Variants in EP400 observed in about 807,000 individuals in gnomAD.
EP400 encodes E1A binding protein p400, also known as E1A-binding protein p400.
In EP400, 105 loss-of-function variants were observed where a neutral mutation model predicts 354.1. That is an observed-to-expected ratio of 0.30 (90% CI 0.25 to 0.35). The LOEUF (loss-of-function observed/expected upper bound fraction) is 0.35. EP400 is among the 10% of genes least tolerant of loss of function. The probability of loss-of-function intolerance (pLI) is 1.00; values close to 1 mark genes in which losing one functional copy is unlikely to be tolerated. For synonymous variants in EP400, 1,646 were observed against 1,716.9 expected, an observed-to-expected ratio of 0.96 and a Z score of 1.02; for missense variants, 3,280 against 4,121.0, an observed-to-expected ratio of 0.80 and a Z score of 5.59.
rs1005010703 is a variant in EP400, at chr12:132,054,350, C to G, written c.7729-624C>G. 1.3e-5 allele frequency among the ~76,000 whole-genome samples: 2 copies of G among 152,174 alleles called. No individual in the cohort carries two copies. Among genetic ancestry groups the G allele is most frequent in the African/African-American group, 4.8e-5 (2 of 41,436 alleles). On this transcript the variant is annotated intron_variant, in intron 43 of 52. Transcript: ENST00000389561. The surrounding 1 kb of genome is among the most constrained non-coding windows in gnomAD (Gnocchi z 4.0). ...TATATGTACTCAGGCAACTTCATTC[C>G]TCATTTATTCAAAAGGGATCTTTGT... is the stretch of plus-strand genomic sequence containing the variant.
intron 7 of EP400, among the ~76,000 whole-genome samples, chr12:131,988,332 A>G (rs951760788): frequency 8.5e-5 from 13 of 152,152 alleles, no homozygotes; most frequent in African/African-American, 2.9e-4. Flanking sequence ...CCACTAAGCA[A>G]TGATGTGGAT....
intron 41 of EP400, 83 bp from the exon 42 acceptor site, chr12:132,053,063 C>A: frequency 6.9e-7 from 1 of 1,447,356 alleles, no homozygotes; most frequent in Non-Finnish European, 9.7e-7. Flanking sequence ...CAGCACCTGG[C>A]AGCATGGTGT....
intron 37 of EP400, 101 bp downstream of exon 37, chr12:132,045,054 G>T: frequency 7.1e-7 from 1 of 1,412,378 alleles, no homozygotes; most frequent in Non-Finnish European, 9.6e-7. Context: ...CTGTCTGCCT[G>T]TCTGCTGCAG....
At position 132,078,840 on chromosome 12, in the gene EP400, C is replaced by A. The variant is rs1446125461; in HGVS notation, c.*1167C>A. The A allele has an allele frequency of 6.6e-6, 1 of 152,224 alleles. No homozygotes were observed. Among genetic ancestry groups the A allele is most frequent in the Non-Finnish European group, 1.5e-5 (1 of 68,044 alleles). The allele number at this position is 152,224 out of a possible 1,614,324, so 9.4% of individuals were successfully genotyped here. A position where few individuals can be genotyped will look rare whatever the true frequency, so the allele number is the denominator to read the frequency against. Reference sequence around the variant, plus strand: ...GAAGGCGTGCCGTTGAGGGGGAAAACGAAGCCCAGTATTTGCTACTGTTTT... The same window carrying A: ...GAAGGCGTGCCGTTGAGGGGGAAAAAGAAGCCCAGTATTTGCTACTGTTTT... On this transcript the variant is annotated 3_prime_UTR_variant, in exon 53 of 53. Coordinates refer to ENST00000389561, the MANE Select transcript of EP400 (RefSeq NM_015409.5).
chr12:131,995,080 C>G, intron 12 of EP400, 124 bp downstream of exon 12: 1 of 879,736 alleles, frequency 1.1e-6, no homozygotes, highest in Non-Finnish European at 1.8e-6. Flanking sequence ...AAAACAGTCC[C>G]TGTGTGCCTC....
At chr12:131,982,778 T>G (rs907508861) in intron 5 of EP400, among the ~76,000 whole-genome samples, 2 of 152,090 alleles carry the variant, frequency 1.3e-5, no homozygotes, top group African/African-American at 4.8e-5. Context: ...GAGACCAACC[T>G]GGCCAACATG....
rs1292063244 is a variant in EP400 at position 132,044,258 on chromosome 12, G to A, written c.6532G>A (p.Glu2178Lys). ...LQEREARLRL[E>K]QEEAELLTYT... ...GGAGAGGGAGGCCCGGCTGCGGCTG[G>A]AGCAGGAGGAGGCGGAGCTCCTGAC... The change falls in exon 35 of 53, where the codon GAG becomes AAG. Residue 2178 changes from glutamate to lysine, a missense_variant. By Grantham distance (56) the Glu-to-Lys change is moderately conservative. Transcript: ENST00000389561. The A allele has an allele frequency of 6.2e-7, 1 of 1,614,114 alleles. No homozygotes were observed. Among genetic ancestry groups the A allele is most frequent in the South Asian group, 1.1e-5 (1 of 91,092 alleles).
At chr12:132,076,917 C>T (rs976810003) in intron 52 of EP400, among the ~76,000 whole-genome samples, 2 of 152,232 alleles carry the variant, frequency 1.3e-5, no homozygotes, top group South Asian at 2.1e-4. Context: ...AGGCTCCGCT[C>T]GGGGCCCGCC....
chr12:131,971,205 T>TA (rs951437451), intron 2 of EP400, among the ~76,000 whole-genome samples: 39 of 149,528 alleles, frequency 2.6e-4, no homozygotes, highest in East Asian at 2.0e-3. Flanking sequence ...CCCTGTCTCT[T>TA]AAAAAAAAAA....
chr12:132,061,605 C>T (rs1895697010), intron 45 of EP400, among the ~76,000 whole-genome samples: 2 of 152,118 alleles, frequency 1.3e-5, no homozygotes, highest in South Asian at 4.1e-4. Context: ...TGCCTGCGGG[C>T]CAGAGTGGAC....
At chr12:131,976,130 TTTC>T (rs766471061) in intron 2 of EP400, among the ~76,000 whole-genome samples, 1 of 152,212 alleles carries the variant, frequency 6.6e-6, no homozygotes, top group African/African-American at 2.4e-5. Context: ...TTTGTCAAGA[TTTC>T]TTCTTGTCTT....
chr12:132,011,051 C>G (rs1893748009), intron 15 of EP400, among the ~76,000 whole-genome samples: 1 of 152,210 alleles, frequency 6.6e-6, no homozygotes, highest in South Asian at 2.1e-4. Flanking sequence ...TGGACACAAG[C>G]CCTTGGCTAA....
chr12:132,007,828 G>A (rs1274743522), intron 15 of EP400, among the ~76,000 whole-genome samples: 1 of 152,188 alleles, frequency 6.6e-6, no homozygotes, highest in African/African-American at 2.4e-5. Context: ...TGACCCCATG[G>A]GTGCTCTGAC....
rs961869063 is a variant in EP400, at chr12:132,070,700, A to G, written c.9021+1059A>G. Among the ~76,000 whole-genome samples the G allele has an allele frequency of 1.3e-5, 2 of 152,232 alleles. No individual in the cohort carries two copies. The highest frequency in any genetic ancestry group is 4.8e-5 in the African/African-American group (2 of 41,474). ...CAGTCTTTCCTTCAGATTCACCAATATGATGCATCTTTTGTTACTTAAGTC... is the reference window on the plus strand; with the variant it reads ...CAGTCTTTCCTTCAGATTCACCAATGTGATGCATCTTTTGTTACTTAAGTC... On this transcript the variant is annotated intron_variant, in intron 51 of 52. Coordinates refer to ENST00000389561, the MANE Select transcript of EP400 (RefSeq NM_015409.5). This position sits in a 1 kb window ranked among gnomAD's most constrained non-coding sequence, Gnocchi z 4.1.
At chr12:131,996,474 G>T (rs1283335364) in intron 12 of EP400, among the ~76,000 whole-genome samples, 1 of 151,854 alleles carries the variant, frequency 6.6e-6, no homozygotes, top group African/African-American at 2.4e-5. Context: ...TGTATTTTTA[G>T]TAGAGATGGG....
At chr12:131,974,086 C>G (rs1170261436) in intron 2 of EP400, among the ~76,000 whole-genome samples, 4 of 150,860 alleles carry the variant, frequency 2.7e-5, no homozygotes, top group African/African-American at 9.8e-5. Context: ...TGAAGCGATT[C>G]TCCCACCTCA....
chr12:131,995,955 C>A (rs969357818), intron 12 of EP400, among the ~76,000 whole-genome samples: 4 of 152,140 alleles, frequency 2.6e-5, no homozygotes, highest in African/African-American at 9.7e-5. Context: ...CACAGCTTGA[C>A]TGAATGTACC....
In EP400 at chr12:131,993,507, C is replaced by T. The variant is rs955633589; in HGVS notation, c.2737+1277C>T. Reference sequence around the variant, plus strand: ...TGGCCTGCACTCTGGTAGCTGCGGTCGGCTTTATGTAGATTGACCTCTCCG... The same window carrying T: ...TGGCCTGCACTCTGGTAGCTGCGGTTGGCTTTATGTAGATTGACCTCTCCG... On this transcript the variant is annotated intron_variant, in intron 11 of 52. Coordinates refer to ENST00000389561, the MANE Select transcript of EP400 (RefSeq NM_015409.5). 7.2e-5 allele frequency among the ~76,000 whole-genome samples: 11 copies of T among 152,216 alleles called. No homozygotes were observed. The South Asian group carries it at 8.3e-4, about 11-fold the overall frequency.
intron 22 of EP400, 69 bp from the exon 23 acceptor site, chr12:132,021,010 C>A (rs1894104687): frequency 6.9e-7 from 1 of 1,458,402 alleles, no homozygotes; most frequent in East Asian, 2.6e-5. Flanking sequence ...CTTTAAAATT[C>A]AGTTTAAAAT....
Sources: gnomAD v4.1 joint callset for allele counts (sites outside exome capture counted in the v4.1 genomes callset) on GRCh38, gnomAD v4.1.1 for gene constraint, Gnocchi (gnomAD v3.1) non-coding constraint, MANE v1.5 for transcripts, NCBI Gene and HGNC (gene_info 2026-07-23, HGNC 2026-07-21) for gene names.